The following ARID2 variants were observed in gnomAD, a reference collection of about 807,000 sequenced individuals.
ARID2 encodes AT-rich interactive domain-containing protein 2.
Under a neutral mutation model 184.6 loss-of-function variants are expected in ARID2, and 32 were observed. That is an observed-to-expected ratio of 0.17 (90% CI 0.13 to 0.23). The LOEUF is 0.23. Among genes scored for constraint, ARID2 ranks in the 10% least tolerant of loss-of-function variants. ARID2 has a pLI of 1.00. For missense variants in ARID2, 1,696 were observed against 2,197.6 expected (o/e 0.77, Z 4.56); for synonymous variants, 836 against 772.6 (o/e 1.08, Z -1.36).
In ARID2 at chr12:45,905,123, T is replaced by C. The variant is rs1447399763; in HGVS notation, c.*45T>C. 1 of 1,586,430 alleles carries C rather than the reference T, an allele frequency of 6.3e-7. No homozygotes were observed. The highest frequency in any genetic ancestry group is 2.3e-5 in the East Asian group (1 of 44,088). ...AGTGGGGGACTCAAAGTCAGCCACATTTCACATACTGTTACTGAAGAAAGC... is the reference window on the plus strand; with the variant it reads ...AGTGGGGGACTCAAAGTCAGCCACACTTCACATACTGTTACTGAAGAAAGC... On this transcript the variant is annotated 3_prime_UTR_variant, in exon 21 of 21. Coordinates refer to ENST00000334344, the MANE Select transcript of ARID2 (RefSeq NM_152641.4).
chr12:45,840,868 T>C (rs1022492728), intron 11 of ARID2: 1 of 152,218 alleles, frequency 6.6e-6, no homozygotes, highest in African/African-American at 2.4e-5. Flanking sequence ...TTGTGTCATA[T>C]GTTCACTCAA....
intron 16 of ARID2, among the ~76,000 whole-genome samples, chr12:45,888,611 T>C (rs565499244): frequency 6.6e-6 from 1 of 152,324 alleles, no homozygotes; most frequent in East Asian, 1.9e-4. Context: ...ACTGCTACTA[T>C]TACTGATCAT....
chr12:45,896,403 A>G lies in ARID2; in HGVS notation c.5363+2682A>G, dbSNP rs141681868. 6.2e-3 allele frequency among the ~76,000 whole-genome samples: 946 copies of G among 152,164 alleles called. 11 individuals are homozygous for G. Among genetic ancestry groups the G allele is most frequent in the African/African-American group, 0.022 (901 of 41,510 alleles). ...CCCAGATCTCCTCTTGAATTCCCAC[A>G]TGTTGTGGGAGGGACCCGGCAGGAA... is the stretch of plus-strand genomic sequence containing the variant. On this transcript the variant is annotated intron_variant, in intron 20 of 20. Coordinates refer to ENST00000334344, the MANE Select transcript of ARID2 (RefSeq NM_152641.4).
chr12:45,749,938 A>G (rs1019634750), intron 3 of ARID2, among the ~76,000 whole-genome samples: 1 of 152,170 alleles, frequency 6.6e-6, no homozygotes, highest in African/African-American at 2.4e-5. Context: ...CAGACTTTCT[A>G]CTTACCAGCC....
chr12:45,865,920 T>C (rs1291815677), intron 16 of ARID2, among the ~76,000 whole-genome samples: 2 of 152,088 alleles, frequency 1.3e-5, no homozygotes, highest in Admixed American at 6.5e-5. Flanking sequence ...TCATAATTGT[T>C]TTTCTTATTT....
At chr12:45,776,729 C>T (rs1025377841) in intron 3 of ARID2, among the ~76,000 whole-genome samples, 3 of 149,506 alleles carry the variant, frequency 2.0e-5, no homozygotes, top group Non-Finnish European at 3.0e-5. Flanking sequence ...GCGGACAGAT[C>T]GTTTGAGCCC....
intron 16 of ARID2, among the ~76,000 whole-genome samples, chr12:45,886,712 C>T (rs1162219928): frequency 6.6e-6 from 1 of 152,192 alleles, no homozygotes; most frequent in Non-Finnish European, 1.5e-5. Context: ...TTTTTATGTA[C>T]CCACAGGCTC....
intron 6 of ARID2, among the ~76,000 whole-genome samples, chr12:45,822,902 G>A (rs938569756): frequency 6.6e-6 from 1 of 152,088 alleles, no homozygotes; most frequent in African/African-American, 2.4e-5. Flanking sequence ...TTCAGCATTG[G>A]ACAGATCATC....
intron 16 of ARID2, among the ~76,000 whole-genome samples, chr12:45,880,413 G>A (rs955619585): frequency 5.9e-5 from 9 of 152,136 alleles, no homozygotes; most frequent in Non-Finnish European, 1.2e-4. Context: ...AAGTGATGTT[G>A]AGGTTCAAAT....
At chr12:45,832,288 C>G (rs975857769) in intron 6 of ARID2, among the ~76,000 whole-genome samples, 2 of 152,088 alleles carry the variant, frequency 1.3e-5, no homozygotes, top group African/African-American at 4.8e-5. Flanking sequence ...ATTGTAGACT[C>G]TCACTACTTT....
Position 45,885,116 on chromosome 12 carries a change from G to T in ARID2, c.4923-6664G>T, listed in dbSNP as rs189719994. Among the ~76,000 whole-genome samples, 802 of 150,144 alleles carry T rather than the reference G, an allele frequency of 5.3e-3. 5 individuals carry two copies. The highest frequency in any genetic ancestry group is 6.3e-3 in the Non-Finnish European group (423 of 67,602). ...TTGCAACTAGATAAAATAAAGTTGG[G>T]TTAGCCTCTCACCAAGGTTGTTGGT... On this transcript the variant is annotated intron_variant, in intron 16 of 20. Coordinates refer to ENST00000334344, the MANE Select transcript of ARID2 (RefSeq NM_152641.4).
intron 3 of ARID2, among the ~76,000 whole-genome samples, chr12:45,766,758 C>T (rs1405476191): frequency 2.6e-5 from 4 of 152,174 alleles, no homozygotes; most frequent in Admixed American, 2.6e-4. Flanking sequence ...TTGTGATCCG[C>T]CCACCTCGGC....
chr12:45,755,563 A>G (rs1055874033), intron 3 of ARID2, among the ~76,000 whole-genome samples: 4 of 152,232 alleles, frequency 2.6e-5, no homozygotes, highest in Admixed American at 6.5e-5. Context: ...AGAGAATTCT[A>G]CTTACTAGGA....
intron 5 of ARID2, 144 bp downstream of exon 5, chr12:45,818,032 A>C: frequency 1.7e-6 from 1 of 597,252 alleles, no homozygotes; most frequent in Non-Finnish European, 2.7e-6. Flanking sequence ...TAAGATAATG[A>C]ATGTTTGGGG....
chr12:45,754,862 A>G (rs550233027), intron 3 of ARID2, among the ~76,000 whole-genome samples: 4 of 152,220 alleles, frequency 2.6e-5, no homozygotes, highest in African/African-American at 7.2e-5. Context: ...GAATCAATGA[A>G]TGAATGCTTG....
chr12:45,870,847 T>C (rs912882475), intron 16 of ARID2, among the ~76,000 whole-genome samples: 12 of 152,214 alleles, frequency 7.9e-5, no homozygotes, highest in African/African-American at 2.9e-4. Flanking sequence ...AGTTTGCTTA[T>C]CCATTCGTCT....
chr12:45,786,004 A>C (rs1027755037), intron 3 of ARID2, among the ~76,000 whole-genome samples: 1 of 152,194 alleles, frequency 6.6e-6, no homozygotes, highest in Non-Finnish European at 1.5e-5. Flanking sequence ...GATGTAGGCT[A>C]TAGAGAGGGT....
chr12:45,814,802 C>T (rs552567015), intron 4 of ARID2, among the ~76,000 whole-genome samples: 23 of 152,220 alleles, frequency 1.5e-4, no homozygotes, highest in Non-Finnish European at 2.8e-4. Context: ...ATTTTTAATT[C>T]GCCAAATGAT....
rs138746986 is a variant in ARID2 at position 45,832,957 on chromosome 12, A to G, written c.706-3632A>G. Among the ~76,000 whole-genome samples, 1,221 of 152,302 alleles carry G rather than the reference A, an allele frequency of 8.0e-3. 19 individuals carry two copies. Among genetic ancestry groups the G allele is most frequent in the South Asian group, 0.067 (325 of 4,824 alleles). The stretch of plus-strand genomic sequence containing the variant: ...AAATTTGATATCTTTGGAGAGTCCT[A>G]GAACCAGTCCCCACAGATACTGAGG... On this transcript the variant is annotated intron_variant, in intron 6 of 20. Coordinates refer to ENST00000334344, the MANE Select transcript of ARID2 (RefSeq NM_152641.4).
Sources: gnomAD v4.1 joint callset for allele counts (sites outside exome capture counted in the v4.1 genomes callset) on GRCh38, gnomAD v4.1.1 for gene constraint, MANE v1.5 for transcripts, NCBI Gene and HGNC (gene_info 2026-07-23, HGNC 2026-07-21) for gene names.